Variants in ADRA1A observed in about 807,000 individuals in gnomAD.
The protein encoded by ADRA1A is adrenoceptor alpha 1A, also known as alpha-1A adrenergic receptor.
A neutral mutation model predicts 29.6 loss-of-function variants in ADRA1A; 31 were observed. The observed-to-expected ratio is 1.05, with a 90% confidence interval of 0.79 to 1.41. ADRA1A has a LOEUF of 1.41. Among genes scored for constraint, ADRA1A ranks in the 40% most tolerant of loss-of-function variants. ADRA1A has a pLI of 0.00. For synonymous variants in ADRA1A, 311 were observed against 254.3 expected (o/e 1.22, Z -2.12); for missense variants, 619 against 601.1 (o/e 1.03, Z -0.31).
At chr8:26,852,580 T>C (rs1047302110) in intron 2 of ADRA1A, among the ~76,000 whole-genome samples, 2 of 152,058 alleles carry the variant, frequency 1.3e-5, no homozygotes, top group African/African-American at 4.8e-5. Flanking sequence ...TGAACCTCAA[T>C]GAGAAGGCAA....
In ADRA1A at chr8:26,786,741, G is replaced by T. The variant is rs551222944; in HGVS notation, c.884-16075C>A. 3.2e-3 allele frequency among the ~76,000 whole-genome samples: 358 copies of T among 111,406 alleles called. 1 individual carries two copies. The highest frequency in any genetic ancestry group is 0.017 in the African/African-American group (338 of 19,564). The allele number at this position is 111,406 out of a possible 152,430, so 73.1% of individuals were successfully genotyped here. ...TCCATATACCTCAGACTCCATGCTG[G>T]GTTGGGGGGGGGGGTCTCTCATTAA... On this transcript the variant is annotated intron_variant, in intron 2 of 2. Transcript: ENST00000380573.
At chr8:26,840,614 G>A (rs2130697900) in intron 2 of ADRA1A, among the ~76,000 whole-genome samples, 1 of 151,022 alleles carries the variant, frequency 6.6e-6, no homozygotes, top group Non-Finnish European at 1.5e-5. Context: ...TTGCCCTGTG[G>A]AATTTGGCAA....
chr8:26,850,582 G>C (rs1027875770), intron 2 of ADRA1A, among the ~76,000 whole-genome samples: 1 of 152,206 alleles, frequency 6.6e-6, no homozygotes, highest in Non-Finnish European at 1.5e-5. Flanking sequence ...TGCAACATCT[G>C]CCTCCTGAGT....
intron 2 of ADRA1A, among the ~76,000 whole-genome samples, chr8:26,837,032 C>A (rs1811423097): frequency 6.6e-6 from 1 of 152,096 alleles, no homozygotes; most frequent in African/African-American, 2.4e-5. Context: ...CACTTCCTAA[C>A]TGGGTAATGG....
chr8:26,767,086 C>T (rs1313796242), downstream of ADRA1A, among the ~76,000 whole-genome samples: 1 of 152,054 alleles, frequency 6.6e-6, no homozygotes, highest in Non-Finnish European at 1.5e-5. Flanking sequence ...TTCAGGGTCT[C>T]TCATAATGCA....
At chr8:26,764,431 C>T (rs1247995590), downstream of ADRA1A, among the ~76,000 whole-genome samples, 1 of 152,130 alleles carries the variant, frequency 6.6e-6, no homozygotes, top group Non-Finnish European at 1.5e-5. Context: ...ACATGCTGCC[C>T]AGCCATGGCA....
At chr8:26,812,414 G>A (rs891474011) in intron 2 of ADRA1A, among the ~76,000 whole-genome samples, 4 of 151,812 alleles carry the variant, frequency 2.6e-5, no homozygotes, top group Non-Finnish European at 5.9e-5. Flanking sequence ...ATAACTAATA[G>A]GTTTAAATAA....
At chr8:26,777,428 G>A (rs1309720156) in intron 2 of ADRA1A, among the ~76,000 whole-genome samples, 1 of 152,202 alleles carries the variant, frequency 6.6e-6, no homozygotes, top group Admixed American at 6.5e-5. Flanking sequence ...CCCAGGTAGA[G>A]AGGACAAGCT....
At chr8:26,808,680 C>T (rs966333222) in intron 2 of ADRA1A, among the ~76,000 whole-genome samples, 7 of 152,220 alleles carry the variant, frequency 4.6e-5, no homozygotes, top group African/African-American at 1.7e-4. Flanking sequence ...ACTGAGATGT[C>T]ACATTCTCTC....
At chr8:26,839,923 C>A (rs1811694405) in intron 2 of ADRA1A, among the ~76,000 whole-genome samples, 1 of 152,106 alleles carries the variant, frequency 6.6e-6, no homozygotes, top group South Asian at 2.1e-4. Flanking sequence ...AGCCTTGACC[C>A]TCGGTCCAGC....
In ADRA1A at chr8:26,866,807, G is replaced by C; in HGVS notation, c.-687+129C>G. The C allele has an allele frequency of 2.2e-6, 2 of 904,338 alleles. No homozygotes were observed. Among genetic ancestry groups the C allele is most frequent in the South Asian group, 1.0e-4 (2 of 19,684 alleles). The allele number at this position is 904,338 out of a possible 1,614,324, so 56.0% of individuals were successfully genotyped here. A position where few individuals can be genotyped will look rare whatever the true frequency, so the allele number is the denominator to read the frequency against. On this transcript the variant is annotated intron_variant, in intron 1 of 2. Transcript: ENST00000380573. This position sits in a 1 kb window ranked among gnomAD's most constrained non-coding sequence, Gnocchi z 5.7. The stretch of plus-strand genomic sequence containing the variant: ...AAGGGAATCGGGGGTGGGGTAGAGG[G>C]GCCGGTATAAAACCTGGTGGAAAAA...
rs183366387 is a variant in ADRA1A at position 26,831,724 on chromosome 8, G to C, written c.883+32363C>G. On this transcript the variant is annotated intron_variant, in intron 2 of 2. Coordinates refer to ENST00000380573, the MANE Select transcript of ADRA1A (RefSeq NM_000680.4). This position sits in a 1 kb window ranked among gnomAD's most constrained non-coding sequence, Gnocchi z 5.2. ...GGACAAGAAGAACATAGTTTCACTC[G>C]CAGGGAATGAAGGACCCTTTTGGGC... Among the ~76,000 whole-genome samples the C allele has an allele frequency of 6.6e-6, 1 of 152,168 alleles. No homozygotes were observed. The highest frequency in any genetic ancestry group is 2.1e-4 in the South Asian group (1 of 4,828).
rs902261680 is a variant in ADRA1A, at chr8:26,796,413, CT to C, written c.884-25748del. Among the ~76,000 whole-genome samples the C allele has an allele frequency of 6.6e-6, 1 of 152,086 alleles. No individual in the cohort carries two copies. Among genetic ancestry groups the C allele is most frequent in the African/African-American group, 2.4e-5 (1 of 41,410 alleles). On this transcript the variant is annotated intron_variant, in intron 2 of 2. Coordinates refer to ENST00000380573, the MANE Select transcript of ADRA1A (RefSeq NM_000680.4). This position sits in a 1 kb window ranked among gnomAD's most constrained non-coding sequence, Gnocchi z 5.0. ...TAAATAGCTTTCATAAATAAGTTTG[CT>C]TTTTAATTCATCCTGCTTGAAAGCC... is the stretch of plus-strand genomic sequence containing the variant.
intron 2 of ADRA1A, among the ~76,000 whole-genome samples, chr8:26,850,011 A>G (rs1250223253): frequency 6.7e-6 from 1 of 149,328 alleles, no homozygotes; most frequent in Non-Finnish European, 1.5e-5. Flanking sequence ...AAAGTGACTA[A>G]TGAGAGAGAA....
At position 26,865,152 on chromosome 8, in the gene ADRA1A, C is replaced by T; in HGVS notation, c.-183G>A. On this transcript the variant is annotated 5_prime_UTR_variant, in exon 2 of 3. Coordinates refer to ENST00000380573, the MANE Select transcript of ADRA1A (RefSeq NM_000680.4). The surrounding 1 kb of genome is among the most constrained non-coding windows in gnomAD (Gnocchi z 7.6). Reference sequence around the variant, plus strand: ...AACAACCCTGGCCAGCCCTGGGAACCCTCAGAAGGCCACATGAAGGGGCAG... The same window carrying T: ...AACAACCCTGGCCAGCCCTGGGAACTCTCAGAAGGCCACATGAAGGGGCAG... The T allele has an allele frequency of 1.4e-6, 2 of 1,436,158 alleles. No individual in the cohort carries two copies. Among genetic ancestry groups the T allele is most frequent in the Non-Finnish European group, 1.8e-6 (2 of 1,100,632 alleles). The allele number at this position is 1,436,158 out of a possible 1,614,324, so 89.0% of individuals were successfully genotyped here. A position where few individuals can be genotyped will look rare whatever the true frequency, so the allele number is the denominator to read the frequency against.
Position 26,806,667 on chromosome 8 carries a change from G to A in ADRA1A, c.884-36001C>T, listed in dbSNP as rs186411660. On this transcript the variant is annotated intron_variant, in intron 2 of 2. Transcript: ENST00000380573. This position sits in a 1 kb window ranked among gnomAD's most constrained non-coding sequence, Gnocchi z 4.6. ...AACCTCTCTAATCGCCAGAGAGTCC[G>A]AGGTTTCTCCCTAAGTCTCTTTACT... is the stretch of plus-strand genomic sequence containing the variant. Among the ~76,000 whole-genome samples the A allele has an allele frequency of 2.5e-4, 38 of 152,232 alleles. 2 individuals are homozygous for A. The highest frequency in any genetic ancestry group is 4.7e-4 in the Non-Finnish European group (32 of 68,004).
intron 2 of ADRA1A, among the ~76,000 whole-genome samples, chr8:26,790,729 G>A (rs957441986): frequency 1.3e-5 from 2 of 152,032 alleles, no homozygotes; most frequent in Non-Finnish European, 2.9e-5. Context: ...AATATAATAT[G>A]TATGGTTATT....
At chr8:26,811,640 ATTTCTTCTATGT>A (rs1332377521) in intron 2 of ADRA1A, among the ~76,000 whole-genome samples, 1 of 152,160 alleles carries the variant, frequency 6.6e-6, no homozygotes, top group Non-Finnish European at 1.5e-5. Context: ...TCACTCTTAA[ATTTCTTCTATGT>A]TTTAGATGGA....
At chr8:26,748,617 G>T in exon 3 of ADRA1A, 3 of 424,174 alleles carry the variant, frequency 7.1e-6, no homozygotes, top group South Asian at 5.1e-5. Context: ...CGTCGGCCTG[G>T]TGGCACATCC....
Sources: allele counts gnomAD v4.1 joint callset (sites outside exome capture counted in the v4.1 genomes callset), GRCh38; gene constraint gnomAD v4.1.1; non-coding constraint Gnocchi (gnomAD v3.1); transcripts MANE v1.5; gene names NCBI Gene and HGNC (gene_info 2026-07-23, HGNC 2026-07-21).